Variants in IGFL2 observed in about 807,000 individuals in gnomAD.
The protein encoded by IGFL2 is IGF like family member 2.
IGFL2 carries 7 observed loss-of-function variants against 13.9 expected under a neutral mutation model. The observed-to-expected ratio is 0.51, with a 90% CI of 0.29 to 0.95. IGFL2 has a LOEUF of 0.95. IGFL2 is among the 40% of genes least tolerant of loss of function. The pLI, the probability that IGFL2 is intolerant of heterozygous loss-of-function variation, is 0.08. For synonymous variants in IGFL2, 55 were observed against 55.8 expected (o/e 0.99, Z 0.07); for missense variants, 138 against 147.8 (o/e 0.93, Z 0.34).
At chr19:46,155,827 A>G (rs1973793087) in intron 1 of IGFL2, among the ~76,000 whole-genome samples, 1 of 151,878 alleles carries the variant, frequency 6.6e-6, no homozygotes, top group African/African-American at 2.4e-5. Flanking sequence ...ACTCTGTTTC[A>G]TTCCATTGAT....
At chr19:46,198,790 T>C in the IGFL2 span, among the ~76,000 whole-genome samples, 5 of 152,158 alleles carry the variant, frequency 3.3e-5, no homozygotes, top group African/African-American at 1.2e-4. Context: ...GAGAGGTGTT[T>C]AGGCTGGAGA....
the IGFL2 span, among the ~76,000 whole-genome samples, chr19:46,116,303 A>G: frequency 6.6e-6 from 1 of 152,198 alleles, no homozygotes; most frequent in African/African-American, 2.4e-5. Flanking sequence ...TGGCAGCAAC[A>G]CCGTTGATAA....
At chr19:46,085,117 A>G in the IGFL2 span, among the ~76,000 whole-genome samples, 119 of 152,336 alleles carry the variant, frequency 7.8e-4, no homozygotes, top group Middle Eastern at 3.4e-3. Context: ...ACAGGCCCCA[A>G]TGCAAGTTTG....
the IGFL2 span, among the ~76,000 whole-genome samples, chr19:46,106,391 C>G: frequency 3.9e-5 from 6 of 152,134 alleles, no homozygotes; most frequent in South Asian, 1.2e-3. Context: ...AAGGGCTTGA[C>G]TGAAGTAATG....
the IGFL2 span, chr19:46,123,980 A>G: frequency 6.2e-7 from 1 of 1,611,266 alleles, no homozygotes; most frequent in African/African-American, 1.4e-5. Flanking sequence ...GGGCCAAAAG[A>G]CTCGGGACAG....
the IGFL2 span, among the ~76,000 whole-genome samples, chr19:46,205,692 G>A: frequency 2.0e-5 from 3 of 152,052 alleles, no homozygotes; most frequent in East Asian, 1.9e-4. Context: ...CCATGTACTC[G>A]ATTTTCTTGG....
the IGFL2 span, among the ~76,000 whole-genome samples, chr19:46,198,809 C>G: frequency 6.6e-6 from 1 of 152,302 alleles, no homozygotes; most frequent in Admixed American, 6.5e-5. Flanking sequence ...GAGCTTCCGT[C>G]CCTCCTGTAC....
intron 1 of IGFL2, chr19:46,160,200 C>T (rs1468653831): frequency 1.7e-6 from 1 of 573,508 alleles, no homozygotes; most frequent in East Asian, 2.9e-5. Flanking sequence ...AGAGTTTTCC[C>T]TGCATTCTCT....
chr19:46,160,944 T>A (rs558928640), intron 3 of IGFL2, 63 bp downstream of exon 3: 1 of 1,588,214 alleles, frequency 6.3e-7, no homozygotes, highest in South Asian at 1.1e-5. Flanking sequence ...GAGGGGAGTC[T>A]AGATGTCTTC....
At chr19:46,116,975 A>G in the IGFL2 span, among the ~76,000 whole-genome samples, 8 of 152,186 alleles carry the variant, frequency 5.3e-5, no homozygotes, top group Non-Finnish European at 7.3e-5. Context: ...AGGCAATTAT[A>G]ATAACTAGTA....
chr19:46,123,881 T>G, the IGFL2 span: 1 of 1,607,004 alleles, frequency 6.2e-7, no homozygotes, highest in Non-Finnish European at 8.5e-7. Context: ...GGTAGGGACC[T>G]TTACCTGGTA....
intron 1 of IGFL2, among the ~76,000 whole-genome samples, chr19:46,153,724 G>C (rs1973640539): frequency 6.6e-6 from 1 of 151,492 alleles, no homozygotes; most frequent in Non-Finnish European, 1.5e-5. Flanking sequence ...TTGGGCATGA[G>C]TGCTGGATCG....
At chr19:46,207,868 C>G in the IGFL2 span, 41 of 152,274 alleles carry the variant, frequency 2.7e-4, no homozygotes, top group African/African-American at 9.6e-4. Flanking sequence ...AGATTGGACT[C>G]TCTTTGCTCT....
chr19:46,115,833 A>T, the IGFL2 span, among the ~76,000 whole-genome samples: 2 of 152,076 alleles, frequency 1.3e-5, no homozygotes, highest in Admixed American at 6.5e-5. Flanking sequence ...AAGCGTTGGA[A>T]TTTTTTCTAT....
the IGFL2 span, among the ~76,000 whole-genome samples, chr19:46,084,864 TG>T: frequency 6.6e-6 from 1 of 152,188 alleles, no homozygotes; most frequent in Non-Finnish European, 1.5e-5. Context: ...ATTCCACCCC[TG>T]TCTCCACATC....
chr19:46,108,632 G>A, the IGFL2 span, among the ~76,000 whole-genome samples: 1 of 152,056 alleles, frequency 6.6e-6, no homozygotes, highest in Admixed American at 6.6e-5. Flanking sequence ...TTGCCACCCA[G>A]GGGAGGTGGT....
At chr19:46,120,328 T>A in the IGFL2 span, 1 of 1,610,980 alleles carries the variant, frequency 6.2e-7, no homozygotes, top group Non-Finnish European at 8.5e-7. Context: ...AGCCTGGGGT[T>A]TTTATGGGTA....
At chr19:46,134,721 A>G in the IGFL2 span, among the ~76,000 whole-genome samples, 1 of 152,200 alleles carries the variant, frequency 6.6e-6, no homozygotes, top group Non-Finnish European at 1.5e-5. Flanking sequence ...TGCTTAGGCA[A>G]TAAGGTGAGT....
At chr19:46,100,412 A>C in the IGFL2 span, among the ~76,000 whole-genome samples, 1 of 152,312 alleles carries the variant, frequency 6.6e-6, no homozygotes, top group African/African-American at 2.4e-5. Flanking sequence ...CTCCAAATTT[A>C]AAGGGGAAAG....
Sources: gnomAD v4.1 joint callset for allele counts (sites outside exome capture counted in the v4.1 genomes callset) on GRCh38, gnomAD v4.1.1 for gene constraint, MANE v1.5 for transcripts, NCBI Gene and HGNC (gene_info 2026-07-23, HGNC 2026-07-21) for gene names.